Variants in UBE2E1 observed in about 807,000 individuals in gnomAD.
UBE2E1 encodes ubiquitin conjugating enzyme E2 E1.
A neutral mutation model predicts 21.4 loss-of-function variants in UBE2E1; 6 were observed. The observed-to-expected ratio is 0.28, with a 90% CI of 0.15 to 0.55. The LOEUF is 0.55. Among genes scored for constraint, UBE2E1 ranks in the 20% least tolerant of loss-of-function variants. The probability of loss-of-function intolerance (pLI) is 0.93; values close to 1 mark genes in which losing one functional copy is unlikely to be tolerated. For synonymous variants in UBE2E1, 87 were observed against 82.7 expected, an observed-to-expected ratio of 1.05 and a Z score of -0.28; for missense variants, 142 against 236.5, an observed-to-expected ratio of 0.60 and a Z score of 2.62.
chr3:23,886,446 C>T (rs978094700), intron 3 of UBE2E1, among the ~76,000 whole-genome samples: 1 of 152,170 alleles, frequency 6.6e-6, no homozygotes, highest in African/African-American at 2.4e-5. Flanking sequence ...ACCCGCTATT[C>T]GGTTGCCCAT....
chr3:23,807,385 G>A lies in UBE2E1; in HGVS notation c.116G>A (p.Ser39Asn). Residue 39 changes from serine (S) to asparagine (N), a missense_variant, in exon 2 of 6, where the codon AGC becomes AAC. Transcript: ENST00000306627. ...AAGAAGGAGAGTAAAGTCAGCATGA[G>A]CAAAAACTCCAAACTCCTCTCCACC... ...PKKKESKVSM[S>N]KNSKLLSTSA... 6.2e-7 allele frequency: 1 copy of A among 1,613,362 alleles called. No homozygotes were observed. Among genetic ancestry groups the A allele is most frequent in the Middle Eastern group, 1.7e-4 (1 of 6,052 alleles).
intron 5 of UBE2E1, 95 bp from the exon 6 acceptor site, chr3:23,890,414 C>G: frequency 4.3e-6 from 5 of 1,161,634 alleles, no homozygotes; most frequent in Non-Finnish European, 6.1e-6. Flanking sequence ...ATCACACATA[C>G]TTTGTCGTAC....
At chr3:23,884,765 G>T (rs1236023002) in intron 3 of UBE2E1, among the ~76,000 whole-genome samples, 1 of 152,118 alleles carries the variant, frequency 6.6e-6, no homozygotes, top group Non-Finnish European at 1.5e-5. Flanking sequence ...AATATTGTCA[G>T]TACTGGATTT....
chr3:23,871,153 C>T (rs888644537), intron 3 of UBE2E1, among the ~76,000 whole-genome samples: 23 of 151,448 alleles, frequency 1.5e-4, no homozygotes, highest in African/African-American at 5.2e-4. Flanking sequence ...TCCACAAAAC[C>T]GCCATTGTCA....
intron 3 of UBE2E1, among the ~76,000 whole-genome samples, chr3:23,841,166 T>C (rs541699203): frequency 3.5e-4 from 54 of 152,330 alleles, no homozygotes; most frequent in Middle Eastern, 3.4e-3. Flanking sequence ...TGAAAAGATA[T>C]AAAGAGTTAT....
intron 3 of UBE2E1, among the ~76,000 whole-genome samples, chr3:23,857,400 A>G (rs183645852): frequency 6.6e-6 from 1 of 152,334 alleles, no homozygotes; most frequent in East Asian, 1.9e-4. Flanking sequence ...AGGAGTGAAA[A>G]TAGAAATTTT....
chr3:23,842,219 GT>G lies in UBE2E1; in HGVS notation c.203+30710del. Among the ~76,000 whole-genome samples the G allele has an allele frequency of 1.1e-5, 1 of 89,428 alleles. No individual in the cohort carries two copies. Among genetic ancestry groups the G allele is most frequent in the Non-Finnish European group, 2.4e-5 (1 of 42,026 alleles). The allele number at this position is 89,428 out of a possible 152,430, so 58.7% of individuals were successfully genotyped here. On this transcript the variant is annotated intron_variant, in intron 3 of 5. Transcript: ENST00000306627. The surrounding 1 kb of genome is among the most constrained non-coding windows in gnomAD (Gnocchi z 4.6). ...AAGGGGTGTGTGTGTGTGTGTGTGT[GT>G]GTGTGTGTGTGTGTGTGTGTGTGTG...
At chr3:23,872,488 C>T (rs1352444102) in intron 3 of UBE2E1, among the ~76,000 whole-genome samples, 11 of 152,056 alleles carry the variant, frequency 7.2e-5, no homozygotes, top group Admixed American at 7.2e-4. Context: ...ACCAATTACA[C>T]CAAAATACTT....
chr3:23,888,331 C>T (rs976193292), intron 4 of UBE2E1: 6 of 453,166 alleles, frequency 1.3e-5, no homozygotes, highest in Non-Finnish European at 2.7e-5. Flanking sequence ...AAAGAAAACC[C>T]CGTCTTGGGG....
At chr3:23,844,478 A>G (rs1285977439) in intron 3 of UBE2E1, among the ~76,000 whole-genome samples, 2 of 152,202 alleles carry the variant, frequency 1.3e-5, no homozygotes, top group South Asian at 2.1e-4. Context: ...ATAGAAGACC[A>G]GATCGTTTCC....
At chr3:23,856,172 A>C (rs6550806) in intron 3 of UBE2E1, among the ~76,000 whole-genome samples, 1 of 151,950 alleles carries the variant, frequency 6.6e-6, no homozygotes, top group South Asian at 2.1e-4. Context: ...GATTACAGGC[A>C]GGTACCACCA....
chr3:23,868,264 C>T (rs888351311), intron 3 of UBE2E1, among the ~76,000 whole-genome samples: 9 of 152,192 alleles, frequency 5.9e-5, no homozygotes, highest in South Asian at 4.2e-4. Flanking sequence ...TACTCAGAAA[C>T]GCTGCTTACC....
rs1553637746 is a variant in UBE2E1, at chr3:23,842,250, G to GTGTGTGTGGTGTTGT, written c.203+30743_203+30744insGTGTGGTGTTGTTGT. ...GTGTGTGTGTGTGTGTGTGTGTGTG[G>GTGTGTGTGGTGTTGT]TGTTGTTGTTGTTGGCGACAGGGTC... On this transcript the variant is annotated intron_variant, in intron 3 of 5. Coordinates refer to ENST00000306627, the MANE Select transcript of UBE2E1 (RefSeq NM_003341.5). This position sits in a 1 kb window ranked among gnomAD's most constrained non-coding sequence, Gnocchi z 4.6. Among the ~76,000 whole-genome samples the GTGTGTGTGGTGTTGT allele has an allele frequency of 4.6e-5, 4 of 86,368 alleles. No individual in the cohort carries two copies. Among genetic ancestry groups the GTGTGTGTGGTGTTGT allele is most frequent in the East Asian group, 3.0e-4 (1 of 3,288 alleles). The allele number at this position is 86,368 out of a possible 152,430, so 56.7% of individuals were successfully genotyped here. A position where few individuals can be genotyped will look rare whatever the true frequency, so the allele number is the denominator to read the frequency against.
intron 5 of UBE2E1, chr3:23,889,840 T>G (rs1318845882): frequency 1.2e-6 from 1 of 820,480 alleles, no homozygotes; most frequent in Admixed American, 6.2e-5. Context: ...CAGTGAGCCA[T>G]GAGCATGTCA....
At chr3:23,843,471 T>C (rs1246393857) in intron 3 of UBE2E1, among the ~76,000 whole-genome samples, 1 of 152,242 alleles carries the variant, frequency 6.6e-6, no homozygotes, top group Non-Finnish European at 1.5e-5. Flanking sequence ...CTTTGGCACC[T>C]ACTGCTGTTA....
In UBE2E1 at chr3:23,876,299, C is replaced by T. The variant is rs141853618; in HGVS notation, c.204-11268C>T. ...TGCTTTTTAATAGCACTTACAAAATCGTGTCACTACCCTGTTAGTTTCTTT... is the reference window on the plus strand; with the variant it reads ...TGCTTTTTAATAGCACTTACAAAATTGTGTCACTACCCTGTTAGTTTCTTT... On this transcript the variant is annotated intron_variant, in intron 3 of 5. Transcript: ENST00000306627. This position sits in a 1 kb window ranked among gnomAD's most constrained non-coding sequence, Gnocchi z 4.3. Among the ~76,000 whole-genome samples, 10 of 152,290 alleles carry T rather than the reference C, an allele frequency of 6.6e-5. No individual in the cohort carries two copies. The East Asian group carries it at 1.2e-3, about 18-fold the overall frequency.
intron 3 of UBE2E1, among the ~76,000 whole-genome samples, chr3:23,828,954 G>C (rs1699810374): frequency 6.6e-6 from 1 of 152,116 alleles, no homozygotes; most frequent in Non-Finnish European, 1.5e-5. Context: ...CAGTGGACAG[G>C]GTGGATGGAA....
chr3:23,879,190 A>G, intron 3 of UBE2E1: 2 of 865,936 alleles, frequency 2.3e-6, no homozygotes, highest in South Asian at 2.6e-5. Context: ...ATCCTTCCAC[A>G]TCTAGAGTCC....
In UBE2E1 at chr3:23,836,823, A is replaced by T. The variant is rs1454471739; in HGVS notation, c.203+25313A>T. On this transcript the variant is annotated intron_variant, in intron 3 of 5. Transcript: ENST00000306627. This position sits in a 1 kb window ranked among gnomAD's most constrained non-coding sequence, Gnocchi z 4.1. ...CAGAATCATGCCCAGGAATCTATTC[A>T]TTCTGCACACTATGATTGATCTAGT... Among the ~76,000 whole-genome samples, 2 of 152,222 alleles carry T rather than the reference A, an allele frequency of 1.3e-5. No homozygotes were observed. Among genetic ancestry groups the T allele is most frequent in the African/African-American group, 2.4e-5 (1 of 41,458 alleles).
Sources: gnomAD v4.1 joint callset for allele counts (sites outside exome capture counted in the v4.1 genomes callset) on GRCh38, gnomAD v4.1.1 for gene constraint, Gnocchi (gnomAD v3.1) non-coding constraint, MANE v1.5 for transcripts, NCBI Gene and HGNC (gene_info 2026-07-23, HGNC 2026-07-21) for gene names.